Variants in SIGLEC10 observed in about 807,000 individuals in gnomAD.
SIGLEC10 encodes the protein sialic acid-binding Ig-like lectin 10.
In SIGLEC10, 45 loss-of-function variants were observed where a neutral mutation model predicts 68.3. That is an observed-to-expected ratio of 0.66 (90% CI 0.52 to 0.84). The LOEUF (loss-of-function observed/expected upper bound fraction) is 0.84, where lower values mean the gene tolerates loss of function less well. Ranked by LOEUF, SIGLEC10 falls within the 40% of genes least tolerant of loss-of-function variation. SIGLEC10 has a pLI of 0.00. For missense variants in SIGLEC10, 789 were observed against 883.1 expected (o/e 0.89, Z 1.35); for synonymous variants, 379 against 370.8 (o/e 1.02, Z -0.26).
Position 51,415,938 on chromosome 19 carries a change from C to G in SIGLEC10, c.984G>C (p.Arg328Ser). The change falls in exon 5 of 11, where the codon AGG becomes AGC. Residue 328 changes from arginine to serine, a missense_variant. Coordinates refer to ENST00000339313, the MANE Select transcript of SIGLEC10 (RefSeq NM_033130.5). ...SGRYTCRAEN[R>S]LGSQQRALDL... ...CCAGGGCTCGCTGCTGGGAGCCAAG[C>G]CTGTTCTCCGCTCGGCAGGTGTAGC... 6.2e-7 allele frequency: 1 copy of G among 1,613,522 alleles called. No homozygotes were observed. Among genetic ancestry groups the G allele is most frequent in the Non-Finnish European group, 8.5e-7 (1 of 1,180,034 alleles).
Position 51,416,099 on chromosome 19 carries a change from G to A in SIGLEC10, c.823C>T (p.Leu275Phe), listed in dbSNP as rs775279673. Residue 275 changes from leucine (L) to phenylalanine (F), a missense_variant, in exon 5 of 11, where the codon CTC (leucine) becomes TTC (phenylalanine). Leu to Phe is a conservative substitution (Grantham distance 22, BLOSUM62 0). Coordinates refer to ENST00000339313, the MANE Select transcript of SIGLEC10 (RefSeq NM_033130.5). The part of the protein sequence containing the change: ...EAQKGQFLRL[L>F]CAADSQPPAT... ...GGGGGCTGGCTGTCAGCAGCACAGA[G>A]GAGCCGCAGGAACTGGCCTTTTTGG... 6.2e-6 allele frequency: 10 copies of A among 1,608,594 alleles called. 1 individual carries two copies. The South Asian group carries it at 7.7e-5, about 12-fold the overall frequency.
chr19:51,413,616 C>T, intron 10 of SIGLEC10, 96 bp downstream of exon 10: 1 of 1,090,960 alleles, frequency 9.2e-7, no homozygotes, highest in South Asian at 1.4e-5. Context: ...GTGCTTTTCC[C>T]ACCTTGATGT....
chr19:51,417,207 C>T lies in SIGLEC10; in HGVS notation c.296G>A (p.Gly99Glu). The T allele has an allele frequency of 6.2e-7, 1 of 1,614,242 alleles. No homozygotes were observed. Among genetic ancestry groups the T allele is most frequent in the Non-Finnish European group, 8.5e-7 (1 of 1,180,034 alleles). ...RFQLTGDPAK[G>E]NCSLVIRDAQ... ...GTCTCTGATCACCAAGGAGCAGTTC[C>T]CCTTGGCGGGATCCCCAGTGAGCTG... Residue 99 changes from glycine to glutamate, a missense_variant, in exon 2 of 11, where the codon GGG becomes GAG. Coordinates refer to ENST00000339313, the MANE Select transcript of SIGLEC10 (RefSeq NM_033130.5).
At chr19:51,411,962 G>A (rs773851564) in intron 10 of SIGLEC10, among the ~76,000 whole-genome samples, 82 of 151,930 alleles carry the variant, frequency 5.4e-4, no homozygotes, top group South Asian at 1.9e-3. Flanking sequence ...GATCAACATG[G>A]TGAAACCCCG....
chr19:51,416,010 T>C lies in SIGLEC10; in HGVS notation c.912A>G (p.Arg304=), dbSNP rs1481702351. Residue 304 remains arginine (R), a synonymous_variant, in exon 5 of 11, where the codon AGA becomes AGG. Coordinates refer to ENST00000339313, the MANE Select transcript of SIGLEC10 (RefSeq NM_033130.5). ...VLSSSHPWGP[R]PLGLELPGVK... is the part of the protein sequence containing the mutation. The stretch of plus-strand genomic sequence containing the variant: ...CCCCGGGCAGCTCCAGCCCCAGGGG[T>C]CTAGGGCCCCAGGGATGGGACGAGG... 4 of 1,612,788 alleles carry C rather than the reference T, an allele frequency of 2.5e-6. 1 individual carries two copies. The South Asian group carries it at 4.4e-5, about 18-fold the overall frequency.
In SIGLEC10 at chr19:51,415,095, C is replaced by T. The variant is rs770914272; in HGVS notation, c.1344G>A (p.Leu448=). The change falls in exon 8 of 11, where the codon CTG becomes CTA. Residue 448 remains leucine, a synonymous_variant. Coordinates refer to ENST00000339313, the MANE Select transcript of SIGLEC10 (RefSeq NM_033130.5). The part of the protein sequence containing the change: ...LSLSVHYSPK[L]LGPSCSWEAE... ...CCTCCCAGGAGCAGGAGGGGCCCAG[C>T]AGCTTCGGGGAGTCTGAGGGGAGGG... The T allele has an allele frequency of 1.1e-5, 17 of 1,576,588 alleles. No individual in the cohort carries two copies. In the East Asian group the frequency reaches 3.6e-4, roughly 33 times the overall value.
chr19:51,414,254 G>C lies in SIGLEC10; in HGVS notation c.1709+168C>G, dbSNP rs1988300312. ...GCATTCCCTCTGGGAAGCAGACGCAGTTTGTCAGTTGGACAACATTCTGCA... is the reference window on the plus strand; with the variant it reads ...GCATTCCCTCTGGGAAGCAGACGCACTTTGTCAGTTGGACAACATTCTGCA... On this transcript the variant is annotated intron_variant, in intron 9 of 10. Coordinates refer to ENST00000339313, the MANE Select transcript of SIGLEC10 (RefSeq NM_033130.5). This position sits in a 1 kb window ranked among gnomAD's most constrained non-coding sequence, Gnocchi z 4.1. The C allele has an allele frequency of 1.6e-6, 1 of 634,794 alleles. No homozygotes were observed. Among genetic ancestry groups the C allele is most frequent in the Admixed American group, 2.7e-5 (1 of 36,408 alleles). 39.3% of individuals were successfully genotyped at this position (634,794 alleles called of 1,614,324 possible).
intron 10 of SIGLEC10, among the ~76,000 whole-genome samples, chr19:51,413,030 G>C (rs2123727860): frequency 6.6e-6 from 1 of 152,184 alleles, no homozygotes; most frequent in South Asian, 2.1e-4. Context: ...TTGAAGTGCT[G>C]ATTAGACACC....
intron 5 of SIGLEC10, 71 bp downstream of exon 5, chr19:51,415,827 G>A (rs1988563633): frequency 3.7e-6 from 6 of 1,601,648 alleles, no homozygotes; most frequent in Admixed American, 1.7e-5. Flanking sequence ...CTCAGCTCTG[G>A]GACCCTGAGC....
At position 51,416,873 on chromosome 19, in the gene SIGLEC10, T is replaced by C. The variant is rs888133740; in HGVS notation, c.499A>G (p.Asn167Asp). 6.2e-7 allele frequency: 1 copy of C among 1,613,918 alleles called. No homozygotes were observed. The highest frequency in any genetic ancestry group is 8.5e-7 in the Non-Finnish European group (1 of 1,179,998). The change falls in exon 3 of 11, where the codon AAC (asparagine) becomes GAC (aspartate). Residue 167 changes from asparagine (N) to aspartate (D), a missense_variant. Asn to Asp is a conservative substitution (Grantham distance 23, BLOSUM62 1). Transcript: ENST00000339313. Reference sequence around the variant, plus strand: ...GGTGGACATTCCTCAAAGGCCCAGTTAAACACACAGATGACCGTCACCGGC... The same window carrying C: ...GGTGGACATTCCTCAAAGGCCCAGTCAAACACACAGATGACCGTCACCGGC... The part of the protein sequence containing the change: ...GQPVTVICVF[N>D]WAFEECPPPS...
intron 10 of SIGLEC10, among the ~76,000 whole-genome samples, 176 bp downstream of exon 10, chr19:51,413,536 G>T (rs533384044): frequency 3.3e-5 from 5 of 152,342 alleles, no homozygotes; most frequent in East Asian, 1.9e-4. Context: ...AAGGCTCAGA[G>T]GGGGTGAGTG....
chr19:51,416,528 C>A lies in SIGLEC10; in HGVS notation c.706+138G>T, dbSNP rs562346187. 6,473 of 1,568,002 alleles carry A rather than the reference C, an allele frequency of 4.1e-3. 28 individuals carry two copies. The highest frequency in any genetic ancestry group is 0.011 in the East Asian group (468 of 43,018). ...CATTCCCATCCCCCTCCCAGGGCTGCGGCGGCATCCTGGGACCCCACAGCT... is the reference window on the plus strand; with the variant it reads ...CATTCCCATCCCCCTCCCAGGGCTGAGGCGGCATCCTGGGACCCCACAGCT... On this transcript the variant is annotated intron_variant, in intron 3 of 10. Transcript: ENST00000339313.
chr19:51,416,373 G>A lies in SIGLEC10; in HGVS notation c.707-16C>T, dbSNP rs200609484. ...CTGGGGGCATCTGCAACAAGATTGT[G>A]AGCTGGCTTCAGGGAGGGACAATTT... On this transcript the variant is annotated splice_polypyrimidine_tract_variant and intron_variant, in intron 3 of 10. Transcript: ENST00000339313. 1,097 of 1,614,152 alleles carry A rather than the reference G, an allele frequency of 6.8e-4. 5 individuals are homozygous for A. In the Middle Eastern group the frequency reaches 9.4e-3, roughly 14 times the overall value.
Position 51,411,012 on chromosome 19 carries a change from G to C in SIGLEC10, c.*87C>G. The C allele has an allele frequency of 7.0e-7, 1 of 1,428,466 alleles. No homozygotes were observed. The highest frequency in any genetic ancestry group is 2.2e-5 in the Admixed American group (1 of 45,310). The allele number at this position is 1,428,466 out of a possible 1,614,324, so 88.5% of individuals were successfully genotyped here. On this transcript the variant is annotated 3_prime_UTR_variant, in exon 11 of 11. Transcript: ENST00000339313. ...AGAGAAAGAGAGAGAGAGAGGGAGA[G>C]AAGGAAACTTTGCACTCTGTTATCT...
intron 10 of SIGLEC10, among the ~76,000 whole-genome samples, chr19:51,412,050 GAT>G (rs1988060450): frequency 6.6e-6 from 1 of 151,938 alleles, no homozygotes. Context: ...GGCTGAGGCA[GAT>G]GAATCGCTTG....
chr19:51,411,998 G>C (rs529496818), intron 10 of SIGLEC10, among the ~76,000 whole-genome samples: 85 of 151,180 alleles, frequency 5.6e-4, no homozygotes, highest in African/African-American at 2.0e-3. Context: ...CAAAAATTAG[G>C]GGGGCATGGT....
In SIGLEC10 at chr19:51,415,042, G is replaced by C; in HGVS notation, c.1397C>G (p.Ser466Cys). Residue 466 changes from serine (S) to cysteine (C), a missense_variant, in exon 8 of 11, where the codon TCC becomes TGC. Transcript: ENST00000339313. The stretch of plus-strand genomic sequence containing the variant: ...CAGAGAGGGGGCCGGGCTGGCCTGG[G>C]AGGAGCAGCTGCAGTGCAGACCCTC... ...EAEGLHCSCSSQASPAPSLRW... is the reference protein window; with the variant it reads ...EAEGLHCSCSCQASPAPSLRW... The C allele has an allele frequency of 1.2e-6, 2 of 1,605,034 alleles. No individual in the cohort carries two copies. The highest frequency in any genetic ancestry group is 1.1e-5 in the South Asian group (1 of 90,434).
In SIGLEC10 at chr19:51,416,294, C is replaced by G. The variant is rs374829356; in HGVS notation, c.754+16G>C. ...AAAGACAACTGGCCCAGCCCCAGCC[C>G]GACGGCCCTCAGTACCTGGCGTGTT... On this transcript the variant is annotated intron_variant, in intron 4 of 10. Coordinates refer to ENST00000339313, the MANE Select transcript of SIGLEC10 (RefSeq NM_033130.5). 6.2e-7 allele frequency: 1 copy of G among 1,613,964 alleles called. No individual in the cohort carries two copies.
Position 51,417,232 on chromosome 19 carries a change from G to A in SIGLEC10, c.271C>T (p.Gln91Ter). Residue 91 changes from glutamine to a stop codon, truncating the protein, a stop_gained, in exon 2 of 11, where the codon CAG becomes TAG. Transcript: ENST00000339313. LOFTEE classifies it high-confidence loss of function. Reference sequence around the variant, plus strand: ...CCCTTGGCGGGATCCCCAGTGAGCTGGAATCGGCCCCGGGTGCTCATTTCC... The same window carrying A: ...CCCTTGGCGGGATCCCCAGTGAGCTAGAATCGGCCCCGGGTGCTCATTTCC... ...EVEMSTRGRF[Q>*]LTGDPAKGNC... 6.2e-7 allele frequency: 1 copy of A among 1,614,252 alleles called. No homozygotes were observed. The highest frequency in any genetic ancestry group is 8.5e-7 in the Non-Finnish European group (1 of 1,180,044).
Sources: allele counts gnomAD v4.1 joint callset (sites outside exome capture counted in the v4.1 genomes callset), GRCh38; gene constraint gnomAD v4.1.1; non-coding constraint Gnocchi (gnomAD v3.1); transcripts MANE v1.5; gene names NCBI Gene and HGNC (gene_info 2026-07-23, HGNC 2026-07-21).